FERRY3: variants seen among roughly 807,000 people sequenced by gnomAD.
The protein encoded by FERRY3 is FERRY endosomal RAB5 effector complex subunit 3.
At chr12:4,511,537 A>C in the FERRY3 span, among the ~76,000 whole-genome samples, 1 of 148,758 alleles carries the variant, frequency 6.7e-6, no homozygotes, top group Non-Finnish European at 1.5e-5. Context: ...ATAACAAACT[A>C]TCTCTCAGAC....
the FERRY3 span, among the ~76,000 whole-genome samples, chr12:4,505,604 A>G: frequency 6.6e-6 from 1 of 152,222 alleles, no homozygotes; most frequent in Non-Finnish European, 1.5e-5. Flanking sequence ...CATTTTATGT[A>G]TGAGGAGACA....
the FERRY3 span, chr12:4,518,282 G>A: frequency 2.5e-6 from 4 of 1,601,980 alleles, no homozygotes; most frequent in East Asian, 4.5e-5. Flanking sequence ...GTCCAGGAAA[G>A]ATACTTAAGC....
chr12:4,526,439 C>T, the FERRY3 span, among the ~76,000 whole-genome samples: 2 of 152,078 alleles, frequency 1.3e-5, no homozygotes, highest in Non-Finnish European at 2.9e-5. Flanking sequence ...CAAATGTATG[C>T]AAAAAGTTTG....
chr12:4,490,815 T>C, the FERRY3 span, among the ~76,000 whole-genome samples: 1 of 152,180 alleles, frequency 6.6e-6, no homozygotes, highest in African/African-American at 2.4e-5. Flanking sequence ...TGCTCTTATT[T>C]ATGATTTCTC....
At chr12:4,494,394 A>T in the FERRY3 span, among the ~76,000 whole-genome samples, 1 of 152,202 alleles carries the variant, frequency 6.6e-6, no homozygotes, top group South Asian at 2.1e-4. Flanking sequence ...GGCCTAACAA[A>T]TTTTAACCTG....
the FERRY3 span, among the ~76,000 whole-genome samples, chr12:4,498,697 C>A: frequency 6.6e-6 from 1 of 152,148 alleles, no homozygotes; most frequent in Non-Finnish European, 1.5e-5. Context: ...CACCAGGAAC[C>A]AGTTTCACGG....
the FERRY3 span, among the ~76,000 whole-genome samples, chr12:4,513,825 T>C: frequency 8.4e-4 from 128 of 152,188 alleles, no homozygotes; most frequent in Non-Finnish European, 1.5e-3. Context: ...ATTCAGGACA[T>C]AGGCATGGGC....
the FERRY3 span, chr12:4,505,444 G>T: frequency 1.8e-6 from 2 of 1,127,924 alleles, no homozygotes; most frequent in Non-Finnish European, 2.6e-6. Flanking sequence ...TACTATGACT[G>T]CTCCCAAAAG....
chr12:4,513,949 G>A, the FERRY3 span, among the ~76,000 whole-genome samples: 2 of 151,610 alleles, frequency 1.3e-5, no homozygotes, highest in Admixed American at 6.6e-5. Context: ...CCATCAGAGT[G>A]AACAGGCAAC....
At chr12:4,523,927 G>T in the FERRY3 span, among the ~76,000 whole-genome samples, 1 of 151,930 alleles carries the variant, frequency 6.6e-6, no homozygotes, top group Non-Finnish European at 1.5e-5. Flanking sequence ...CCTGCACGTT[G>T]TGCACATGTA....
chr12:4,494,620 G>A, the FERRY3 span, among the ~76,000 whole-genome samples: 2 of 152,192 alleles, frequency 1.3e-5, no homozygotes, highest in Admixed American at 6.5e-5. Context: ...ATCTTTGCTG[G>A]AGATCAAATG....
At chr12:4,534,328 C>T in the FERRY3 span, 19 of 1,568,746 alleles carry the variant, frequency 1.2e-5, no homozygotes, top group African/African-American at 1.4e-5. Context: ...CAAACACCAT[C>T]GTCAGCAAAA....
chr12:4,504,734 A>G, the FERRY3 span, among the ~76,000 whole-genome samples: 1 of 152,212 alleles, frequency 6.6e-6, no homozygotes, highest in African/African-American at 2.4e-5. Flanking sequence ...ATAGCAAACA[A>G]TGATAAAACT....
chr12:4,514,521 T>C, the FERRY3 span, among the ~76,000 whole-genome samples: 1 of 151,906 alleles, frequency 6.6e-6, no homozygotes. Context: ...ATAGACTAGA[T>C]TAAGAAAATG....
chr12:4,523,674 C>T, the FERRY3 span, among the ~76,000 whole-genome samples: 4 of 152,170 alleles, frequency 2.6e-5, no homozygotes, highest in Non-Finnish European at 5.9e-5. Context: ...ATGGATGAAG[C>T]TGGAAACCAT....
chr12:4,524,986 G>T, the FERRY3 span: 5 of 265,452 alleles, frequency 1.9e-5, no homozygotes, highest in Non-Finnish European at 3.5e-5. Context: ...GGAAACTAAA[G>T]AAATAAAGAT....
the FERRY3 span, among the ~76,000 whole-genome samples, chr12:4,490,359 A>C: frequency 5.3e-5 from 8 of 152,228 alleles, no homozygotes; most frequent in Non-Finnish European, 8.8e-5. Context: ...TTGACAATAC[A>C]CTAAGTGCCT....
chr12:4,524,276 C>T, the FERRY3 span, among the ~76,000 whole-genome samples: 2 of 151,814 alleles, frequency 1.3e-5, no homozygotes, highest in South Asian at 2.1e-4. Context: ...TTAAAAGGCT[C>T]GTTGGAAAAT....
At chr12:4,497,684 T>C in the FERRY3 span, among the ~76,000 whole-genome samples, 5 of 152,236 alleles carry the variant, frequency 3.3e-5, no homozygotes, top group African/African-American at 1.2e-4. Context: ...AATAAGACAG[T>C]ATCTTCAGAT....
Sources: allele counts gnomAD v4.1 joint callset (sites outside exome capture counted in the v4.1 genomes callset), GRCh38; gene constraint gnomAD v4.1.1; transcripts MANE v1.5; gene names NCBI Gene and HGNC (gene_info 2026-07-23, HGNC 2026-07-21).